The following MRTFA variants were observed in gnomAD, a reference collection of about 807,000 sequenced individuals.
MRTFA encodes myocardin related transcription factor A.
Under a neutral mutation model 83.5 loss-of-function variants are expected in MRTFA, and 20 were observed. The observed-to-expected ratio is 0.24, with a 90% confidence interval of 0.17 to 0.35. The LOEUF (loss-of-function observed/expected upper bound fraction) is 0.35. MRTFA is among the 10% of genes least tolerant of loss of function. The probability of loss-of-function intolerance (pLI) is 1.00; values close to 1 mark genes in which losing one functional copy is unlikely to be tolerated. For synonymous variants in MRTFA, 659 were observed against 541.2 expected, an observed-to-expected ratio of 1.22 and a Z score of -3.02; for missense variants, 1,200 against 1,224.7, an observed-to-expected ratio of 0.98 and a Z score of 0.30.
intron 12 of MRTFA, among the ~76,000 whole-genome samples, 176 bp downstream of exon 12, chr22:40,418,198 G>A (rs1395673117): frequency 6.6e-6 from 1 of 152,216 alleles, no homozygotes; most frequent in African/African-American, 2.4e-5. Context: ...CAGCTAGGGG[G>A]TCTGAGGCAG....
chr22:40,576,954 G>A (rs187567830), intron 2 of MRTFA, among the ~76,000 whole-genome samples: 12 of 152,180 alleles, frequency 7.9e-5, no homozygotes, highest in Admixed American at 3.3e-4. Context: ...AGTGGCTCAC[G>A]CCTGTAATCC....
At chr22:40,624,425 C>CAAAAAAAAA (rs35882157) in intron 1 of MRTFA, among the ~76,000 whole-genome samples, 2 of 62,758 alleles carry the variant, frequency 3.2e-5, no homozygotes, top group Admixed American at 3.6e-4. Flanking sequence ...GACTCCAACT[C>CAAAAAAAAA]AAAAAAAAAA....
chr22:40,460,469 T>C (rs1002451787), intron 4 of MRTFA, among the ~76,000 whole-genome samples: 3 of 152,338 alleles, frequency 2.0e-5, no homozygotes, highest in East Asian at 3.9e-4. Flanking sequence ...CAGCACTGAA[T>C]TGCTCTTTAT....
At chr22:40,470,623 A>T (rs997725798) in intron 3 of MRTFA, among the ~76,000 whole-genome samples, 1 of 152,054 alleles carries the variant, frequency 6.6e-6, no homozygotes, top group Admixed American at 6.6e-5. Context: ...AGTAGAAAAA[A>T]GGAAATTAAA....
chr22:40,420,341 C>G, intron 11 of MRTFA, 64 bp downstream of exon 11: 1 of 1,554,424 alleles, frequency 6.4e-7, no homozygotes, highest in South Asian at 1.2e-5. Context: ...AAAACCAGCA[C>G]CCAGACAGCC....
intron 3 of MRTFA, among the ~76,000 whole-genome samples, chr22:40,481,581 G>A (rs942461827): frequency 1.3e-5 from 2 of 152,120 alleles, no homozygotes; most frequent in African/African-American, 4.8e-5. Context: ...AGTGACAGGG[G>A]TGGTGATAAT....
rs539867288 is a variant in MRTFA, at chr22:40,628,916, C to T, written c.-84+7562G>A. On this transcript the variant is annotated intron_variant, in intron 1 of 14. Transcript: ENST00000355630. Reference sequence around the variant, plus strand: ...CACCCAATGCACCCTGACAGGTCACCCAATTTCTGCTTTAACACCTGCAGT... The same window carrying T: ...CACCCAATGCACCCTGACAGGTCACTCAATTTCTGCTTTAACACCTGCAGT... Among the ~76,000 whole-genome samples, 8 of 152,262 alleles carry T rather than the reference C, an allele frequency of 5.3e-5. No homozygotes were observed. The South Asian group carries it at 1.7e-3, about 32-fold the overall frequency.
intron 4 of MRTFA, among the ~76,000 whole-genome samples, chr22:40,459,830 C>CATATATATATATATATATAT (rs55885079): frequency 1.0e-3 from 89 of 86,896 alleles, no homozygotes; most frequent in South Asian, 1.6e-3. Flanking sequence ...CACATATATA[C>CATATATATATATATATATAT]ATATATATAT....
At chr22:40,569,380 G>C in intron 2 of MRTFA, 1 of 203,654 alleles carries the variant, frequency 4.9e-6, no homozygotes, top group Non-Finnish European at 1.1e-5. Context: ...GGAATGGCTG[G>C]CAGAAATACC....
At chr22:40,630,367 G>A (rs1569360573) in intron 1 of MRTFA, among the ~76,000 whole-genome samples, 1 of 152,032 alleles carries the variant, frequency 6.6e-6, no homozygotes, top group Non-Finnish European at 1.5e-5. Context: ...TGTGGTAGCT[G>A]GATGACAGAG....
chr22:40,464,445 G>A (rs1195700124), intron 3 of MRTFA, among the ~76,000 whole-genome samples: 1 of 151,114 alleles, frequency 6.6e-6, no homozygotes, highest in Non-Finnish European at 1.5e-5. Context: ...AACTGCAGAG[G>A]TTGCAGTGAG....
intron 2 of MRTFA, among the ~76,000 whole-genome samples, chr22:40,592,633 C>A (rs112063719): frequency 6.6e-6 from 1 of 152,026 alleles, no homozygotes; most frequent in African/African-American, 2.4e-5. Flanking sequence ...GGACTACAGG[C>A]ACATGTCACC....
intron 3 of MRTFA, among the ~76,000 whole-genome samples, chr22:40,506,112 T>C (rs1450369496): frequency 6.6e-6 from 1 of 152,070 alleles, no homozygotes; most frequent in Non-Finnish European, 1.5e-5. Context: ...CGGGCGCCTA[T>C]AGTCCCAGCT....
chr22:40,467,112 G>T (rs1406727409), intron 3 of MRTFA, among the ~76,000 whole-genome samples: 1 of 152,128 alleles, frequency 6.6e-6, no homozygotes, highest in Non-Finnish European at 1.5e-5. Flanking sequence ...CCTCCCAGGA[G>T]TTAACTTTGA....
chr22:40,551,183 A>AT (rs2055439964), intron 3 of MRTFA, among the ~76,000 whole-genome samples: 4 of 151,988 alleles, frequency 2.6e-5, no homozygotes, highest in South Asian at 2.1e-4. Flanking sequence ...CAAATTATAG[A>AT]TTTTTTTAAT....
intron 3 of MRTFA, among the ~76,000 whole-genome samples, chr22:40,506,646 T>C (rs769188385): frequency 1.3e-5 from 2 of 152,218 alleles, no homozygotes; most frequent in African/African-American, 2.4e-5. Flanking sequence ...AGGCAAATAA[T>C]AATTCTCTAA....
intron 3 of MRTFA, among the ~76,000 whole-genome samples, chr22:40,519,309 C>A (rs2054819145): frequency 6.6e-6 from 1 of 152,154 alleles, no homozygotes; most frequent in Middle Eastern, 3.2e-3. Flanking sequence ...AACTCAGGGC[C>A]ACCTATAGAG....
At chr22:40,565,758 G>A (rs766342298) in intron 2 of MRTFA, among the ~76,000 whole-genome samples, 1 of 152,186 alleles carries the variant, frequency 6.6e-6, no homozygotes, top group Non-Finnish European at 1.5e-5. Context: ...TAAGCATTAT[G>A]TGCCTGGGGG....
chr22:40,504,169 T>G (rs192474840), intron 3 of MRTFA, among the ~76,000 whole-genome samples: 68 of 152,290 alleles, frequency 4.5e-4, no homozygotes, highest in African/African-American at 1.4e-3. Context: ...ACTACCTAAT[T>G]GCTTTGTGGC....
Sources: gnomAD v4.1 joint callset for allele counts (sites outside exome capture counted in the v4.1 genomes callset) on GRCh38, gnomAD v4.1.1 for gene constraint, MANE v1.5 for transcripts, NCBI Gene and HGNC (gene_info 2026-07-23, HGNC 2026-07-21) for gene names.